NOX4: variants seen among roughly 807,000 people sequenced by gnomAD.
The protein encoded by NOX4 is kidney oxidase-1.
Under a neutral mutation model 87.6 loss-of-function variants are expected in NOX4, and 69 were observed. The observed-to-expected ratio is 0.79, with a 90% CI of 0.65 to 0.96. The LOEUF is 0.96. NOX4 is among the 40% of genes least tolerant of loss of function. The probability of loss-of-function intolerance (pLI) is 0.00; values close to 1 mark genes in which losing one functional copy is unlikely to be tolerated. For missense variants in NOX4, 680 were observed against 681.5 expected, an observed-to-expected ratio of 1.00 and a Z score of 0.02; for synonymous variants, 275 against 238.2, an observed-to-expected ratio of 1.15 and a Z score of -1.42.
rs997077999 is a variant in NOX4, at chr11:89,476,075, G to A, written c.153+14383C>T. On this transcript the variant is annotated intron_variant, in intron 2 of 17. Coordinates refer to ENST00000263317, the MANE Select transcript of NOX4 (RefSeq NM_016931.5). Reference sequence around the variant, plus strand: ...CCATCTCACAACCTTCCTAACCTACGATTGCTCATTAGGGTTGGTACAAGC... The same window carrying A: ...CCATCTCACAACCTTCCTAACCTACAATTGCTCATTAGGGTTGGTACAAGC... 6.6e-5 allele frequency among the ~76,000 whole-genome samples: 10 copies of A among 152,022 alleles called. 1 individual carries two copies. Among genetic ancestry groups the A allele is most frequent in the African/African-American group, 1.9e-4 (8 of 41,396 alleles).
chr11:89,503,032 A>C (rs944712964), upstream of NOX4, among the ~76,000 whole-genome samples: 1 of 152,018 alleles, frequency 6.6e-6, no homozygotes, highest in African/African-American at 2.4e-5. Context: ...ATAAATGAAA[A>C]ATACCCTTTA....
At chr11:89,361,852 T>C (rs193092630) in intron 12 of NOX4, among the ~76,000 whole-genome samples, 259 of 152,228 alleles carry the variant, frequency 1.7e-3, no homozygotes, top group African/African-American at 6.0e-3. Context: ...GCCTCTTCAG[T>C]GAAGAACTTG....
chr11:89,502,543 T>A (rs1019736600), upstream of NOX4, among the ~76,000 whole-genome samples: 2 of 151,932 alleles, frequency 1.3e-5, no homozygotes, highest in African/African-American at 4.8e-5. Flanking sequence ...GGAGCAAAGG[T>A]CCCTGTTAGC....
In NOX4 at chr11:89,399,442, T is replaced by A. The variant is rs1351799727; in HGVS notation, c.1074+575A>T. Among the ~76,000 whole-genome samples the A allele has an allele frequency of 5.6e-5, 7 of 125,746 alleles. No individual in the cohort carries two copies. The East Asian group carries it at 1.6e-3, about 29-fold the overall frequency. The allele number at this position is 125,746 out of a possible 152,430, so 82.5% of individuals were successfully genotyped here. ...ATATTCAAGAAATTAAATATATATATATATATATATATATATATATATATA... is the reference window on the plus strand; with the variant it reads ...ATATTCAAGAAATTAAATATATATAAATATATATATATATATATATATATA... On this transcript the variant is annotated intron_variant, in intron 11 of 17. Coordinates refer to ENST00000263317, the MANE Select transcript of NOX4 (RefSeq NM_016931.5).
At chr11:89,458,997 A>C (rs780900654) in intron 2 of NOX4, among the ~76,000 whole-genome samples, 2 of 152,202 alleles carry the variant, frequency 1.3e-5, no homozygotes, top group African/African-American at 4.8e-5. Context: ...ATAAAGACAC[A>C]TGCACACATA....
At chr11:89,335,503 T>C (rs2135372881) in intron 17 of NOX4, among the ~76,000 whole-genome samples, 1 of 151,914 alleles carries the variant, frequency 6.6e-6, no homozygotes, top group East Asian at 1.9e-4. Context: ...ATTCTTTGTT[T>C]GGAAACATGA....
intron 1 of NOX4, chr11:89,490,877 G>GA: frequency 4.3e-6 from 3 of 701,168 alleles, no homozygotes; most frequent in Non-Finnish European, 2.6e-6. Flanking sequence ...AGTAATCTGG[G>GA]AAAAGAACAA....
At chr11:89,564,902 C>T in the NOX4 span, among the ~76,000 whole-genome samples, 3 of 152,038 alleles carry the variant, frequency 2.0e-5, no homozygotes, top group African/African-American at 7.2e-5. Context: ...TGTTCTGGAA[C>T]TTGGAAGATC....
At chr11:89,391,297 C>G (rs912160268) in intron 11 of NOX4, among the ~76,000 whole-genome samples, 3 of 151,988 alleles carry the variant, frequency 2.0e-5, no homozygotes, top group African/African-American at 7.2e-5. Flanking sequence ...GGCTCCTCAG[C>G]AGAAGTGATA....
intron 16 of NOX4, 95 bp from the exon 17 acceptor site, chr11:89,336,040 T>G: frequency 1.5e-6 from 1 of 675,558 alleles, no homozygotes; most frequent in Non-Finnish European, 2.6e-6. Context: ...CCCACCAAAT[T>G]GCTGTGATAT....
the NOX4 span, among the ~76,000 whole-genome samples, chr11:89,516,794 A>T: frequency 6.6e-6 from 1 of 151,994 alleles, no homozygotes; most frequent in East Asian, 1.9e-4. Flanking sequence ...TCATAAACAC[A>T]ATTCTTTGGT....
chr11:89,368,011 T>A (rs1357313975), intron 12 of NOX4, among the ~76,000 whole-genome samples: 1 of 152,064 alleles, frequency 6.6e-6, no homozygotes, highest in Admixed American at 6.6e-5. Flanking sequence ...CAGAAACTTG[T>A]ACATCTTCCA....
intron 2 of NOX4, among the ~76,000 whole-genome samples, chr11:89,459,800 A>G (rs1484542715): frequency 6.9e-6 from 1 of 145,696 alleles, no homozygotes; most frequent in Non-Finnish European, 1.5e-5. Flanking sequence ...ACAGAATTGG[A>G]AAAAAACTAC....
intron 11 of NOX4, among the ~76,000 whole-genome samples, chr11:89,378,302 C>A (rs1410874950): frequency 1.3e-5 from 2 of 152,160 alleles, no homozygotes; most frequent in African/African-American, 4.8e-5. Flanking sequence ...ACATGCTAGC[C>A]TACTCATTTA....
At chr11:89,493,199 A>G (rs1946903532), upstream of NOX4, among the ~76,000 whole-genome samples, 1 of 152,146 alleles carries the variant, frequency 6.6e-6, no homozygotes, top group Non-Finnish European at 1.5e-5. Flanking sequence ...ATCCTGGCCA[A>G]CATGGTGAAA....
chr11:89,520,601 G>A, the NOX4 span, among the ~76,000 whole-genome samples: 1 of 152,004 alleles, frequency 6.6e-6, no homozygotes, highest in Non-Finnish European at 1.5e-5. Context: ...CACACTGAAT[G>A]GGCAAAAACT....
the NOX4 span, among the ~76,000 whole-genome samples, chr11:89,507,192 T>A: frequency 6.6e-6 from 1 of 151,922 alleles, no homozygotes; most frequent in South Asian, 2.1e-4. Flanking sequence ...CAAAAAAGAT[T>A]GAGGAATCGT....
intron 2 of NOX4, among the ~76,000 whole-genome samples, chr11:89,468,076 C>A (rs1945782392): frequency 6.6e-6 from 1 of 152,174 alleles, no homozygotes; most frequent in Admixed American, 6.5e-5. Flanking sequence ...AAGGGCCTAG[C>A]TCATACTGTA....
intron 9 of NOX4, among the ~76,000 whole-genome samples, chr11:89,402,070 C>A (rs1346144660): frequency 1.3e-5 from 2 of 151,952 alleles, no homozygotes; most frequent in African/African-American, 2.4e-5. Context: ...CTCTTGGCTG[C>A]AAGCACCAAT....
Sources: allele counts gnomAD v4.1 joint callset (sites outside exome capture counted in the v4.1 genomes callset), GRCh38; gene constraint gnomAD v4.1.1; transcripts MANE v1.5; gene names NCBI Gene and HGNC (gene_info 2026-07-23, HGNC 2026-07-21).